The following RARB variants were observed in gnomAD, a reference collection of about 807,000 sequenced individuals.
The protein encoded by RARB is HBV-activated protein.
Under a neutral mutation model 51.9 loss-of-function variants are expected in RARB, and 17 were observed. That is an observed-to-expected ratio of 0.33 (90% CI 0.22 to 0.49). The LOEUF (loss-of-function observed/expected upper bound fraction) is 0.49, where lower values mean the gene tolerates loss of function less well. Among genes scored for constraint, RARB ranks in the 20% least tolerant of loss-of-function variants. The probability of loss-of-function intolerance (pLI) is 0.99; values close to 1 mark genes in which losing one functional copy is unlikely to be tolerated. For synonymous variants in RARB, 215 were observed against 195.4 expected (o/e 1.10, Z -0.84); for missense variants, 369 against 550.8 (o/e 0.67, Z 3.30).
chr3:25,542,063 G>T (rs1575501994), intron 3 of RARB, among the ~76,000 whole-genome samples: 1 of 152,236 alleles, frequency 6.6e-6, no homozygotes, highest in African/African-American at 2.4e-5. Context: ...TAAGATTAGG[G>T]CTGGCAAAGA....
At chr3:25,485,644 C>T (rs1391128526) in intron 2 of RARB, among the ~76,000 whole-genome samples, 1 of 152,132 alleles carries the variant, frequency 6.6e-6, no homozygotes, top group Non-Finnish European at 1.5e-5. Context: ...TCCTGCCAGG[C>T]CAAAAATCAT....
chr3:25,268,161 A>G (rs999086137), intron 5 of RARB, among the ~76,000 whole-genome samples: 1 of 152,204 alleles, frequency 6.6e-6, no homozygotes, highest in Non-Finnish European at 1.5e-5. Context: ...ATCTTTTAAC[A>G]GCTCTCAGCG....
At chr3:25,145,660 A>T (rs964446645) in intron 4 of RARB, among the ~76,000 whole-genome samples, 1 of 152,030 alleles carries the variant, frequency 6.6e-6, no homozygotes, top group African/African-American at 2.4e-5. Flanking sequence ...TGTCCTCCTG[A>T]CTTATTACTA....
At chr3:25,527,987 C>A (rs1443000647) in intron 3 of RARB, among the ~76,000 whole-genome samples, 1 of 152,146 alleles carries the variant, frequency 6.6e-6, no homozygotes, top group Non-Finnish European at 1.5e-5. Flanking sequence ...GGCGGGAGGC[C>A]TGTGGATGAG....
intron 3 of RARB, among the ~76,000 whole-genome samples, chr3:25,086,216 C>T (rs779363943): frequency 1.3e-5 from 2 of 152,136 alleles, no homozygotes; most frequent in African/African-American, 2.4e-5. Flanking sequence ...GAATCATATG[C>T]CCATCCCTCA....
At chr3:24,981,473 C>G (rs1385662363) in intron 2 of RARB, among the ~76,000 whole-genome samples, 2 of 152,188 alleles carry the variant, frequency 1.3e-5, no homozygotes, top group Non-Finnish European at 2.9e-5. Flanking sequence ...GAGCATATAA[C>G]TGCCTACTCA....
chr3:24,876,012 G>T (rs1209955066), intron 2 of RARB, among the ~76,000 whole-genome samples: 1 of 152,012 alleles, frequency 6.6e-6, no homozygotes, highest in Non-Finnish European at 1.5e-5. Flanking sequence ...CCTCCGTTTG[G>T]ATCTAATAAT....
intron 5 of RARB, among the ~76,000 whole-genome samples, chr3:25,188,674 T>A (rs1701030433): frequency 6.6e-6 from 1 of 152,148 alleles, no homozygotes; most frequent in Non-Finnish European, 1.5e-5. Flanking sequence ...AAATTATAAA[T>A]GTTGTTATTA....
chr3:24,934,571 T>C (rs1374029480), intron 2 of RARB, among the ~76,000 whole-genome samples: 2 of 152,120 alleles, frequency 1.3e-5, no homozygotes, highest in Non-Finnish European at 1.5e-5. Flanking sequence ...GTCTGTCCTT[T>C]TGTAGTTTTA....
In RARB at chr3:25,109,001, C is replaced by G. The variant is rs966952090; in HGVS notation, c.-327-23160C>G. Reference sequence around the variant, plus strand: ...GGGAGTCATTCAGACCAGATTGTATCCCTGCATTGCCACACACCAATGATA... The same window carrying G: ...GGGAGTCATTCAGACCAGATTGTATGCCTGCATTGCCACACACCAATGATA... On this transcript the variant is annotated intron_variant, in intron 3 of 11. Coordinates refer to the RARB transcript ENST00000383772. Among the ~76,000 whole-genome samples, 3 of 152,212 alleles carry G rather than the reference C, an allele frequency of 2.0e-5. No individual in the cohort carries two copies. In the South Asian group the frequency reaches 6.2e-4, roughly 32 times the overall value.
At chr3:25,188,722 G>C (rs1036644932) in intron 5 of RARB, among the ~76,000 whole-genome samples, 2 of 148,930 alleles carry the variant, frequency 1.3e-5, no homozygotes, top group East Asian at 2.0e-4. Flanking sequence ...ATTTGTGTGA[G>C]AAACTATATA....
At chr3:24,882,018 C>T (rs1043742991) in intron 2 of RARB, among the ~76,000 whole-genome samples, 2 of 151,880 alleles carry the variant, frequency 1.3e-5, no homozygotes, top group African/African-American at 4.8e-5. Flanking sequence ...TGAATATTGC[C>T]ATAACAATGA....
At chr3:25,347,157 G>T (rs935906245) in intron 5 of RARB, among the ~76,000 whole-genome samples, 1 of 152,332 alleles carries the variant, frequency 6.6e-6, no homozygotes, top group Admixed American at 6.5e-5. Flanking sequence ...TCCACATGCA[G>T]ACTCTAAGAA....
intron 3 of RARB, among the ~76,000 whole-genome samples, chr3:25,106,562 C>G (rs1464003498): frequency 6.6e-6 from 1 of 150,516 alleles, no homozygotes; most frequent in Non-Finnish European, 1.5e-5. Flanking sequence ...CTCATCCTCC[C>G]AAAGTGCTGG....
chr3:24,980,854 T>C (rs1248201465), intron 2 of RARB, among the ~76,000 whole-genome samples: 1 of 152,210 alleles, frequency 6.6e-6, no homozygotes, highest in Non-Finnish European at 1.5e-5. Flanking sequence ...ATTCAGGTTT[T>C]TGGAATTTTC....
intron 3 of RARB, among the ~76,000 whole-genome samples, chr3:25,116,743 A>G (rs1699693974): frequency 6.6e-6 from 1 of 152,074 alleles, no homozygotes; most frequent in African/African-American, 2.4e-5. Flanking sequence ...CACACAAACC[A>G]AAGCCTGCCT....
intron 2 of RARB, among the ~76,000 whole-genome samples, chr3:24,906,499 T>A (rs982646282): frequency 6.6e-6 from 1 of 152,080 alleles, no homozygotes; most frequent in Non-Finnish European, 1.5e-5. Flanking sequence ...CTTTATTAGA[T>A]TTATCATTTT....
At chr3:25,127,338 T>G (rs1022354563) in intron 3 of RARB, among the ~76,000 whole-genome samples, 2 of 152,116 alleles carry the variant, frequency 1.3e-5, no homozygotes, top group African/African-American at 4.8e-5. Flanking sequence ...CTCCTTGAAC[T>G]CAGCAGGCCA....
chr3:25,168,218 GTCTTTT>G (rs372139802), intron 4 of RARB, among the ~76,000 whole-genome samples: 18 of 151,656 alleles, frequency 1.2e-4, no homozygotes, highest in African/African-American at 4.4e-4. Context: ...TCTTTTTTTT[GTCTTTT>G]TCTTTTTCTT....
Sources: allele counts gnomAD v4.1 joint callset (sites outside exome capture counted in the v4.1 genomes callset), GRCh38; gene constraint gnomAD v4.1.1; transcripts MANE v1.5; gene names NCBI Gene and HGNC (gene_info 2026-07-23, HGNC 2026-07-21).